The following CST3 variants were observed in gnomAD, a reference collection of about 807,000 sequenced individuals.
The protein encoded by CST3 is cystatin C, also known as cystatin-C.
Under a neutral mutation model 9.0 loss-of-function variants are expected in CST3, and 14 were observed. The ratio of observed to expected loss-of-function variants is 1.56; its 90% confidence interval spans 1.03 to 2.44. CST3 has a LOEUF of 2.44. Ranked by LOEUF, CST3 falls within the 30% of genes most tolerant of loss-of-function variation. The pLI is 0.00. For synonymous variants in CST3, 96 were observed against 90.2 expected (o/e 1.06, Z -0.37); for missense variants, 237 against 204.3 (o/e 1.16, Z -0.98).
intron 1 of CST3, 53 bp downstream of exon 1, chr20:23,637,567 G>GGT: frequency 7.0e-7 from 1 of 1,421,316 alleles, no homozygotes; most frequent in South Asian, 1.5e-5. Context: ...AGCGCGGGGG[G>GGT]AGGCTGGGAC....
downstream of CST3, among the ~76,000 whole-genome samples, chr20:23,629,693 C>T (rs917810464): frequency 3.4e-5 from 5 of 146,292 alleles, no homozygotes; most frequent in Non-Finnish European, 7.4e-5. Context: ...GGGAATGCCA[C>T]GGCGAAGAGC....
chr20:23,635,327 C>T lies in CST3; in HGVS notation c.284G>A (p.Gly95Asp), dbSNP rs1260282877. ...GVNYFLDVEL[G>D]RTTCTKTQPN... ...CTGGGTCTTGGTACACGTGGTTCGG[C>T]CCAGCTCCACGTCCAAGAAGTAGTT... The change falls in exon 2 of 3, where the codon GGC becomes GAC. Residue 95 changes from glycine (G) to aspartate (D), a missense_variant. Physicochemically the swap from Gly to Asp is moderately conservative, Grantham distance 94. Transcript: ENST00000376925. 7 of 1,613,714 alleles carry T rather than the reference C, an allele frequency of 4.3e-6. No homozygotes were observed. In the African/African-American group the frequency reaches 9.3e-5, roughly 22 times the overall value.
At chr20:23,635,132 C>A in intron 2 of CST3, 122 bp downstream of exon 2, 1 of 862,322 alleles carries the variant, frequency 1.2e-6, no homozygotes, top group Admixed American at 2.0e-5. Flanking sequence ...TGCATCTCCA[C>A]GTGTACACAC....
At position 23,633,694 on chromosome 20, in the gene CST3, A is replaced by G. The variant is rs922322369; in HGVS notation, c.*222T>C. The G allele has an allele frequency of 1.2e-5, 8 of 641,678 alleles. No individual in the cohort carries two copies. The highest frequency in any genetic ancestry group is 8.9e-5 in the African/African-American group (5 of 55,866). 39.7% of individuals were successfully genotyped at this position (641,678 alleles called of 1,614,324 possible). A position where few individuals can be genotyped will look rare whatever the true frequency, so the allele number is the denominator to read the frequency against. On this transcript the variant is annotated 3_prime_UTR_variant, in exon 3 of 3. Transcript: ENST00000376925. Reference sequence around the variant, plus strand: ...ATTTTATTGCAGGAGGTGGGGGTGTATGCACCGCACACCGGGGCTATGAGA... The same window carrying G: ...ATTTTATTGCAGGAGGTGGGGGTGTGTGCACCGCACACCGGGGCTATGAGA...
chr20:23,635,337 C>CGTCCAA lies in CST3; in HGVS notation c.268_273dup (p.Leu90_Asp91dup). ...GTACACGTGGTTCGGCCCAGCTCCA[C>CGTCCAA]GTCCAAGAAGTAGTTCACCCCAGCT... On this transcript the variant is annotated inframe_insertion, in exon 2 of 3. Coordinates refer to ENST00000376925, the MANE Select transcript of CST3 (RefSeq NM_000099.4). 6.2e-7 allele frequency: 1 copy of CGTCCAA among 1,613,694 alleles called. No homozygotes were observed. Among genetic ancestry groups the CGTCCAA allele is most frequent in the Non-Finnish European group, 8.5e-7 (1 of 1,179,880 alleles).
chr20:23,634,052 A>T lies in CST3; in HGVS notation c.358-53T>A, dbSNP rs1284663127. The T allele has an allele frequency of 9.6e-6, 14 of 1,460,820 alleles. No homozygotes were observed. In the Admixed American group the frequency reaches 1.5e-4, roughly 16 times the overall value. 90.5% of individuals were successfully genotyped at this position (1,460,820 alleles called of 1,614,324 possible). The stretch of plus-strand genomic sequence containing the variant: ...AGTGTGGGTTACAGTTCAAAGCAGA[A>T]GATGCCCAGGCACGGGACATCAGAG... On this transcript the variant is annotated intron_variant, in intron 2 of 2. Coordinates refer to ENST00000376925, the MANE Select transcript of CST3 (RefSeq NM_000099.4).
chr20:23,630,199 G>T (rs13039514), downstream of CST3, among the ~76,000 whole-genome samples: 1,721 of 152,272 alleles, frequency 0.011, 12 homozygotes, highest in Non-Finnish European at 0.018. Context: ...CAACTTTTCC[G>T]ACTGGGATCA....
At position 23,637,853 on chromosome 20, in the gene CST3, G is replaced by A; in HGVS notation, c.10C>T (p.Pro4Ser). MAG[P>S]LRAPLLLLAI... is the part of the protein sequence containing the mutation. ...AGCAGGAGCAGCGGGGCGCGCAGGG[G>A]CCCGGCCATGGTCGGCTAGGACGCG... Residue 4 changes from proline (P) to serine (S), a missense_variant, in exon 1 of 3, where the codon CCC becomes TCC. Coordinates refer to ENST00000376925, the MANE Select transcript of CST3 (RefSeq NM_000099.4). 1.4e-6 allele frequency: 2 copies of A among 1,418,352 alleles called. No individual in the cohort carries two copies. Among genetic ancestry groups the A allele is most frequent in the Non-Finnish European group, 1.8e-6 (2 of 1,094,606 alleles). 87.9% of individuals were successfully genotyped at this position (1,418,352 alleles called of 1,614,324 possible). A position where few individuals can be genotyped will look rare whatever the true frequency, so the allele number is the denominator to read the frequency against.
Position 23,633,852 on chromosome 20 carries a change from G to T in CST3, c.*64C>A. 4.4e-6 allele frequency: 6 copies of T among 1,376,280 alleles called. No homozygotes were observed. The highest frequency in any genetic ancestry group is 6.2e-6 in the Non-Finnish European group (6 of 964,470). The allele number at this position is 1,376,280 out of a possible 1,614,324, so 85.3% of individuals were successfully genotyped here. A position where few individuals can be genotyped will look rare whatever the true frequency, so the allele number is the denominator to read the frequency against. Reference sequence around the variant, plus strand: ...GGCAGGGGCCACCAGTCCAGGGGTGGGAATACAGGGGGTGGGAGGTGTGCA... The same window carrying T: ...GGCAGGGGCCACCAGTCCAGGGGTGTGAATACAGGGGGTGGGAGGTGTGCA... On this transcript the variant is annotated 3_prime_UTR_variant, in exon 3 of 3. Transcript: ENST00000376925.
rs896703062 is a variant in CST3 at position 23,633,835 on chromosome 20, C to T, written c.*81G>A. ...GGGGAGACCTTCCCCAAGGCAGGGG[C>T]CACCAGTCCAGGGGTGGGAATACAG... On this transcript the variant is annotated 3_prime_UTR_variant, in exon 3 of 3. Transcript: ENST00000376925. The T allele has an allele frequency of 8.1e-6, 10 of 1,233,660 alleles. No homozygotes were observed. The highest frequency in any genetic ancestry group is 1.2e-5 in the Non-Finnish European group (10 of 835,970). The allele number at this position is 1,233,660 out of a possible 1,614,324, so 76.4% of individuals were successfully genotyped here. A position where few individuals can be genotyped will look rare whatever the true frequency, so the allele number is the denominator to read the frequency against.
At chr20:23,633,552 G>T, downstream of CST3, 1 of 426,768 alleles carries the variant, frequency 2.3e-6, no homozygotes, top group Non-Finnish European at 4.4e-6. Context: ...TCAGCTCCCA[G>T]GTACTCCTCT....
At chr20:23,637,360 CAGCTCG>C (rs2122481461) in intron 1 of CST3, among the ~76,000 whole-genome samples, 1 of 152,342 alleles carries the variant, frequency 6.6e-6, no homozygotes, top group South Asian at 2.1e-4. Flanking sequence ...CGCTGCGGCG[CAGCTCG>C]AGCTGGCTCC....
At position 23,637,639 on chromosome 20, in the gene CST3, A is replaced by G. The variant is rs770529736; in HGVS notation, c.224T>C (p.Val75Ala). ...NDMYHSRALQ[V>A]VRARKQIVAG... Reference sequence around the variant, plus strand: ...ACGCACCTGCTTGCGGGCGCGCACCACCTGCAGCGCGCGGCTGTGGTACAT... The same window carrying G: ...ACGCACCTGCTTGCGGGCGCGCACCGCCTGCAGCGCGCGGCTGTGGTACAT... The change falls in exon 1 of 3, where the codon GTG becomes GCG. Residue 75 changes from valine (V) to alanine (A), a missense_variant. By Grantham distance (64) the Val-to-Ala change is moderately conservative. Coordinates refer to ENST00000376925, the MANE Select transcript of CST3 (RefSeq NM_000099.4). 7 of 1,525,662 alleles carry G rather than the reference A, an allele frequency of 4.6e-6. No homozygotes were observed. 94.5% of individuals were successfully genotyped at this position (1,525,662 alleles called of 1,614,324 possible).
intron 1 of CST3, among the ~76,000 whole-genome samples, chr20:23,635,703 G>C (rs914666921): frequency 2.0e-5 from 3 of 152,200 alleles, no homozygotes; most frequent in African/African-American, 7.2e-5. Context: ...TCCAGTTCCT[G>C]GCATTCAGTC....
intron 2 of CST3, 82 bp from the exon 3 acceptor site, chr20:23,634,081 G>T: frequency 8.9e-7 from 1 of 1,129,710 alleles, no homozygotes; most frequent in Non-Finnish European, 1.3e-6. Flanking sequence ...ATCAGAGTGG[G>T]AGTGAAGAAG....
chr20:23,636,062 C>T (rs1472212186), intron 1 of CST3, among the ~76,000 whole-genome samples: 1 of 152,164 alleles, frequency 6.6e-6, no homozygotes, highest in Non-Finnish European at 1.5e-5. Flanking sequence ...CAAGCAAGGC[C>T]TGTGATCCCT....
chr20:23,633,367 C>A (rs1435683670), downstream of CST3, among the ~76,000 whole-genome samples: 1 of 152,096 alleles, frequency 6.6e-6, no homozygotes, highest in African/African-American at 2.4e-5. Flanking sequence ...CAGCTCAGAC[C>A]AAATCACCAG....
At chr20:23,629,744 AG>A (rs1470261433), downstream of CST3, among the ~76,000 whole-genome samples, 3 of 139,490 alleles carry the variant, frequency 2.2e-5, no homozygotes, top group Non-Finnish European at 3.1e-5. Context: ...TGGGGGGGGG[AG>A]GGGGTGGAAT....
chr20:23,630,793 A>G (rs573963623), downstream of CST3, among the ~76,000 whole-genome samples: 40 of 152,034 alleles, frequency 2.6e-4, no homozygotes, highest in Non-Finnish European at 4.7e-4. Context: ...AAAAAGGCAA[A>G]CTCAATAGTC....
Sources: gnomAD v4.1 joint callset for allele counts (sites outside exome capture counted in the v4.1 genomes callset) on GRCh38, gnomAD v4.1.1 for gene constraint, MANE v1.5 for transcripts, NCBI Gene and HGNC (gene_info 2026-07-23, HGNC 2026-07-21) for gene names.